The following TENM3 variants were observed in gnomAD, a reference collection of about 807,000 sequenced individuals.
TENM3 encodes teneurin-3.
In TENM3, 63 loss-of-function variants were observed where a neutral mutation model predicts 255.1. That is an observed-to-expected ratio of 0.25 (90% CI 0.20 to 0.30). The LOEUF is 0.30. TENM3 is among the 10% of genes least tolerant of loss of function. The pLI is 1.00. For missense variants in TENM3, 2,929 were observed against 3,461.1 expected, an observed-to-expected ratio of 0.85 and a Z score of 3.86; for synonymous variants, 1,306 against 1,322.3, an observed-to-expected ratio of 0.99 and a Z score of 0.27.
chr4:181,502,452 T>C, the TENM3 span, among the ~76,000 whole-genome samples: 1 of 151,930 alleles, frequency 6.6e-6, no homozygotes, highest in Non-Finnish European at 1.5e-5. Flanking sequence ...GGGTCTGGAG[T>C]AAAATGAGAA....
chr4:181,816,949 T>C, the TENM3 span, among the ~76,000 whole-genome samples: 233 of 152,348 alleles, frequency 1.5e-3, no homozygotes, highest in African/African-American at 5.1e-3. Flanking sequence ...CTATGAGAGA[T>C]AGTTTCTCAT....
At chr4:181,898,588 T>TC in the TENM3 span, among the ~76,000 whole-genome samples, 1 of 152,242 alleles carries the variant, frequency 6.6e-6, no homozygotes, top group South Asian at 2.1e-4. Context: ...AAACTTGAAC[T>TC]CCCCCCAACT....
At chr4:182,521,943 C>G (rs1738622133) in intron 3 of TENM3, among the ~76,000 whole-genome samples, 1 of 152,056 alleles carries the variant, frequency 6.6e-6, no homozygotes. Flanking sequence ...TTTATTGACT[C>G]TAGAAAAATC....
chr4:181,691,507 C>T, the TENM3 span, among the ~76,000 whole-genome samples: 1 of 151,894 alleles, frequency 6.6e-6, no homozygotes, highest in Non-Finnish European at 1.5e-5. Flanking sequence ...AGCAAAGAGG[C>T]CCCCTTAGCA....
chr4:182,133,731 G>A, the TENM3 span, among the ~76,000 whole-genome samples: 4 of 152,222 alleles, frequency 2.6e-5, no homozygotes, highest in Admixed American at 1.3e-4. Flanking sequence ...CACCCTCTTC[G>A]TTTTGTGAAT....
intron 3 of TENM3, among the ~76,000 whole-genome samples, chr4:182,430,648 G>A (rs535008176): frequency 5.3e-5 from 8 of 152,244 alleles, no homozygotes; most frequent in African/African-American, 1.9e-4. Context: ...GCTCATGTGT[G>A]TCCTCCTAAG....
At chr4:181,458,422 C>T in the TENM3 span, among the ~76,000 whole-genome samples, 4 of 151,934 alleles carry the variant, frequency 2.6e-5, no homozygotes, top group African/African-American at 9.6e-5. Flanking sequence ...AAGGTGAAAC[C>T]CAATCCATCA....
At chr4:181,868,432 G>GT in the TENM3 span, among the ~76,000 whole-genome samples, 1 of 152,152 alleles carries the variant, frequency 6.6e-6, no homozygotes, top group Admixed American at 6.5e-5. Context: ...TTCTATTTAT[G>GT]TAACAGCTGT....
intron 1 of TENM3, among the ~76,000 whole-genome samples, chr4:182,257,066 T>C (rs11736246): frequency 0.27 from 41,535 of 152,088 alleles, 5,858 homozygotes; most frequent in Middle Eastern, 0.33. Context: ...ATGGTTATTA[T>C]ATTTGGCAGC....
the TENM3 span, chr4:181,976,402 G>C: frequency 1.3e-5 from 2 of 152,146 alleles, no homozygotes; most frequent in East Asian, 3.9e-4. Flanking sequence ...TATGGGCATG[G>C]GCCGCCATGC....
At chr4:182,620,126 C>T (rs772902903) in intron 4 of TENM3, among the ~76,000 whole-genome samples, 1 of 152,110 alleles carries the variant, frequency 6.6e-6, no homozygotes, top group Non-Finnish European at 1.5e-5. Context: ...CTGTATGACT[C>T]GGCAGAGTCA....
intron 3 of TENM3, among the ~76,000 whole-genome samples, chr4:182,485,537 A>G (rs1255514097): frequency 3.9e-5 from 6 of 152,184 alleles, no homozygotes; most frequent in Admixed American, 2.6e-4. Context: ...ATATGCATAC[A>G]TACAGTATGT....
chr4:182,478,645 T>A (rs1733907083), intron 3 of TENM3, among the ~76,000 whole-genome samples: 1 of 152,016 alleles, frequency 6.6e-6, no homozygotes, highest in Admixed American at 6.6e-5. Context: ...AATATACCAT[T>A]GTAGCATTTT....
At chr4:181,588,797 A>G in the TENM3 span, among the ~76,000 whole-genome samples, 14 of 152,202 alleles carry the variant, frequency 9.2e-5, no homozygotes, top group African/African-American at 3.4e-4. Flanking sequence ...TAATTTCCAA[A>G]TGTCTGTAGG....
At chr4:182,458,467 T>C (rs1177536356) in intron 3 of TENM3, among the ~76,000 whole-genome samples, 4 of 152,322 alleles carry the variant, frequency 2.6e-5, no homozygotes, top group African/African-American at 9.6e-5. Flanking sequence ...TTAGCAAACT[T>C]ATCTGGTGGT....
the TENM3 span, among the ~76,000 whole-genome samples, chr4:181,674,588 A>G: frequency 6.6e-6 from 1 of 152,168 alleles, no homozygotes; most frequent in Non-Finnish European, 1.5e-5. Context: ...TGAATATGCA[A>G]CTTTTTTCCC....
chr4:182,354,431 A>C (rs1765387927), intron 3 of TENM3, among the ~76,000 whole-genome samples: 1 of 152,200 alleles, frequency 6.6e-6, no homozygotes, highest in African/African-American at 2.4e-5. Context: ...TATTGATGTA[A>C]TTATCACTGA....
chr4:181,860,853 T>C, the TENM3 span, among the ~76,000 whole-genome samples: 2 of 152,162 alleles, frequency 1.3e-5, no homozygotes, highest in Admixed American at 6.6e-5. Context: ...CACATTATGT[T>C]TATTTATTCA....
At chr4:181,956,664 C>A in the TENM3 span, among the ~76,000 whole-genome samples, 2 of 152,108 alleles carry the variant, frequency 1.3e-5, no homozygotes, top group Non-Finnish European at 2.9e-5. Flanking sequence ...TGCACAAATG[C>A]AAGGAAATCA....
Sources: gnomAD v4.1 joint callset for allele counts (sites outside exome capture counted in the v4.1 genomes callset) on GRCh38, gnomAD v4.1.1 for gene constraint, MANE v1.5 for transcripts, NCBI Gene and HGNC (gene_info 2026-07-23, HGNC 2026-07-21) for gene names.